The following FNDC3A variants were observed in gnomAD, a reference collection of about 807,000 sequenced individuals.
FNDC3A encodes the protein fibronectin type-III domain-containing protein 3A.
In FNDC3A, 32 loss-of-function variants were observed where a neutral mutation model predicts 148.9. That is an observed-to-expected ratio of 0.21 (90% confidence interval 0.16 to 0.29). The LOEUF (loss-of-function observed/expected upper bound fraction) is 0.29, where lower values mean the gene tolerates loss of function less well. Among genes scored for constraint, FNDC3A ranks in the 10% least tolerant of loss-of-function variants. FNDC3A has a pLI of 1.00. For missense variants in FNDC3A, 1,191 were observed against 1,452.8 expected, an observed-to-expected ratio of 0.82 and a Z score of 2.93; for synonymous variants, 472 against 473.6, an observed-to-expected ratio of 1.00 and a Z score of 0.04.
At chr13:49,053,216 A>T (rs1465512663) in intron 2 of FNDC3A, among the ~76,000 whole-genome samples, 1 of 152,154 alleles carries the variant, frequency 6.6e-6, no homozygotes, top group African/African-American at 2.4e-5. Flanking sequence ...GTGGTGATAC[A>T]GTTGCTTTAG....
chr13:49,187,271 AT>A, intron 16 of FNDC3A, 81 bp downstream of exon 16: 2 of 1,079,876 alleles, frequency 1.9e-6, no homozygotes, highest in Non-Finnish European at 2.8e-6. Flanking sequence ...TTTATGTCAT[AT>A]CTTTTCTTTC....
chr13:49,101,879 A>G (rs1879879939), intron 3 of FNDC3A, among the ~76,000 whole-genome samples: 1 of 151,628 alleles, frequency 6.6e-6, no homozygotes, highest in Admixed American at 6.6e-5. Context: ...GCAGAAGGGA[A>G]GAACTAACTT....
chr13:49,070,881 C>CTTTTTTTTTT (rs758290861), intron 2 of FNDC3A, among the ~76,000 whole-genome samples: 2,730 of 119,768 alleles, frequency 0.023, 1 homozygote, highest in East Asian at 0.027. Context: ...AACAGGATTT[C>CTTTTTTTTTT]TTTTTTTTTT....
chr13:49,199,489 G>A (rs978159809), intron 23 of FNDC3A, among the ~76,000 whole-genome samples: 3 of 151,798 alleles, frequency 2.0e-5, no homozygotes, highest in Non-Finnish European at 2.9e-5. Flanking sequence ...CACCACGCCC[G>A]GCTAATTTTT....
At chr13:49,121,429 A>G (rs1593618814) in intron 4 of FNDC3A, among the ~76,000 whole-genome samples, 1 of 152,234 alleles carries the variant, frequency 6.6e-6, no homozygotes, top group Admixed American at 6.5e-5. Context: ...CATCACAATT[A>G]AAAGAACCAG....
intron 7 of FNDC3A, among the ~76,000 whole-genome samples, chr13:49,143,793 T>C (rs1174382074): frequency 6.6e-6 from 1 of 152,066 alleles, no homozygotes; most frequent in African/African-American, 2.4e-5. Context: ...TGCTTCCCTA[T>C]TTAATATTTT....
intron 2 of FNDC3A, among the ~76,000 whole-genome samples, chr13:49,070,217 C>A (rs969606568): frequency 6.6e-6 from 1 of 151,934 alleles, no homozygotes; most frequent in Admixed American, 6.6e-5. Context: ...CTGCAACCTC[C>A]GCCTCCTGGG....
chr13:49,078,462 T>C (rs1374150326), intron 3 of FNDC3A, among the ~76,000 whole-genome samples: 1 of 152,182 alleles, frequency 6.6e-6, no homozygotes, highest in Non-Finnish European at 1.5e-5. Flanking sequence ...GATTGTAAGA[T>C]TGGAGACTGT....
chr13:49,067,975 A>G (rs1593543478), intron 2 of FNDC3A, among the ~76,000 whole-genome samples: 2 of 152,072 alleles, frequency 1.3e-5, no homozygotes, highest in Admixed American at 1.3e-4. Flanking sequence ...GATTTGTTAG[A>G]ATCATTAAAA....
chr13:49,082,067 A>G (rs764279596), intron 3 of FNDC3A, among the ~76,000 whole-genome samples: 6 of 152,044 alleles, frequency 3.9e-5, no homozygotes, highest in Non-Finnish European at 8.8e-5. Flanking sequence ...AGAAGATCAG[A>G]ACATATTGAA....
At chr13:48,984,460 G>A (rs1007208478) in intron 1 of FNDC3A, among the ~76,000 whole-genome samples, 3 of 152,070 alleles carry the variant, frequency 2.0e-5, no homozygotes, top group Admixed American at 6.5e-5. Context: ...ATTTGGAGTA[G>A]GAATAGGCAT....
chr13:49,109,385 ATACTGAAGCTGTT>A (rs1443947961), intron 3 of FNDC3A, among the ~76,000 whole-genome samples: 1 of 152,250 alleles, frequency 6.6e-6, no homozygotes, highest in Non-Finnish European at 1.5e-5. Flanking sequence ...TTGCTAATAA[ATACTGAAGCTGTT>A]ATTAAAATAT....
intron 2 of FNDC3A, among the ~76,000 whole-genome samples, chr13:49,052,940 A>G (rs917570784): frequency 3.9e-5 from 6 of 152,060 alleles, no homozygotes; most frequent in Non-Finnish European, 7.4e-5. Flanking sequence ...CAATGAAGTT[A>G]TATTCCCAGG....
chr13:49,199,032 T>C (rs1886295016), intron 23 of FNDC3A, among the ~76,000 whole-genome samples: 1 of 152,152 alleles, frequency 6.6e-6, no homozygotes, highest in Non-Finnish European at 1.5e-5. Context: ...CACAATTTTT[T>C]TTTTTTAAGA....
chr13:49,111,433 A>G (rs1280855588), intron 3 of FNDC3A, among the ~76,000 whole-genome samples: 3 of 152,148 alleles, frequency 2.0e-5, no homozygotes, highest in African/African-American at 7.2e-5. Context: ...TGTCTTTTTA[A>G]AAGAAAATCT....
chr13:49,125,736 C>A (rs1881654104), intron 4 of FNDC3A, among the ~76,000 whole-genome samples: 1 of 151,942 alleles, frequency 6.6e-6, no homozygotes. Flanking sequence ...GGGAAAAAAA[C>A]AATAAATAAA....
At chr13:49,182,239 T>G (rs1438345596) in intron 14 of FNDC3A, among the ~76,000 whole-genome samples, 1 of 152,020 alleles carries the variant, frequency 6.6e-6, no homozygotes, top group Non-Finnish European at 1.5e-5. Context: ...TCCTCCCACC[T>G]CAGCCTCCCA....
chr13:49,077,728 T>C (rs2137786827), intron 3 of FNDC3A, among the ~76,000 whole-genome samples: 1 of 152,342 alleles, frequency 6.6e-6, no homozygotes, highest in Non-Finnish European at 1.5e-5. Flanking sequence ...CAAACCACCA[T>C]GGCACATGTA....
At chr13:49,022,189 G>A (rs920863923) in intron 2 of FNDC3A, among the ~76,000 whole-genome samples, 1 of 151,998 alleles carries the variant, frequency 6.6e-6, no homozygotes, top group African/African-American at 2.4e-5. Context: ...ACCCTTCATC[G>A]AGAATTGTCT....
Sources: gnomAD v4.1 joint callset for allele counts (sites outside exome capture counted in the v4.1 genomes callset) on GRCh38, gnomAD v4.1.1 for gene constraint, MANE v1.5 for transcripts, NCBI Gene and HGNC (gene_info 2026-07-23, HGNC 2026-07-21) for gene names.